PPP1R12A: variants seen among roughly 807,000 people sequenced by gnomAD.
PPP1R12A encodes protein phosphatase 1 regulatory subunit 12A, also known as myosin binding subunit.
Under a neutral mutation model 139.6 loss-of-function variants are expected in PPP1R12A, and 19 were observed. That is an observed-to-expected ratio of 0.14 (90% CI 0.09 to 0.20). The LOEUF (loss-of-function observed/expected upper bound fraction) is 0.20. Ranked by LOEUF, PPP1R12A falls within the 10% of genes least tolerant of loss-of-function variation. The probability of loss-of-function intolerance (pLI) is 1.00; values close to 1 mark genes in which losing one functional copy is unlikely to be tolerated. For missense variants in PPP1R12A, 925 were observed against 1,211.5 expected, an observed-to-expected ratio of 0.76 and a Z score of 3.51; for synonymous variants, 427 against 420.6, an observed-to-expected ratio of 1.02 and a Z score of -0.19.
intron 1 of PPP1R12A, among the ~76,000 whole-genome samples, chr12:79,909,109 C>G (rs1259684981): frequency 6.6e-6 from 1 of 152,132 alleles, no homozygotes; most frequent in Non-Finnish European, 1.5e-5. Flanking sequence ...TGTGAGAACA[C>G]TGTTCAGTCA....
In PPP1R12A at chr12:79,775,667, A is replaced by T. The variant is rs1259351342; in HGVS notation, c.*262T>A. 8.7e-6 allele frequency: 2 copies of T among 229,952 alleles called. No homozygotes were observed. Among genetic ancestry groups the T allele is most frequent in the African/African-American group, 2.3e-5 (1 of 43,408 alleles). The allele number at this position is 229,952 out of a possible 1,614,324, so 14.2% of individuals were successfully genotyped here. A position where few individuals can be genotyped will look rare whatever the true frequency, so the allele number is the denominator to read the frequency against. On this transcript the variant is annotated 3_prime_UTR_variant, in exon 25 of 25. Transcript: ENST00000450142. The stretch of plus-strand genomic sequence containing the variant: ...CTGTAAACAAGTTTTCTCAGTCATT[A>T]AAAAAAAATCTTCTCAGCAGCTGCA...
intron 1 of PPP1R12A, among the ~76,000 whole-genome samples, chr12:79,884,378 GTTC>G (rs941170841): frequency 2.6e-5 from 4 of 152,172 alleles, no homozygotes; most frequent in Non-Finnish European, 4.4e-5. Flanking sequence ...AAATCTGCTT[GTTC>G]TTTTGTTTAT....
At chr12:79,777,125 T>C in intron 24 of PPP1R12A, 1 of 899,938 alleles carries the variant, frequency 1.1e-6, no homozygotes, top group South Asian at 5.2e-5. Flanking sequence ...TTGAAAAACA[T>C]AATGCATGCT....
chr12:79,797,412 A>G lies in PPP1R12A; in HGVS notation c.2092-17T>C. On this transcript the variant is annotated splice_polypyrimidine_tract_variant and intron_variant, in intron 15 of 24. Coordinates refer to ENST00000450142, the MANE Select transcript of PPP1R12A (RefSeq NM_002480.3). ...TGTCACTCCCTGCACACACAAAAAGATCAATATAATTATGAGATGCATTAA... is the reference window on the plus strand; with the variant it reads ...TGTCACTCCCTGCACACACAAAAAGGTCAATATAATTATGAGATGCATTAA... The G allele has an allele frequency of 6.4e-7, 1 of 1,558,686 alleles. No individual in the cohort carries two copies. The highest frequency in any genetic ancestry group is 1.2e-5 in the South Asian group (1 of 81,054).
At chr12:79,902,873 A>G (rs1885770666) in intron 1 of PPP1R12A, among the ~76,000 whole-genome samples, 1 of 152,186 alleles carries the variant, frequency 6.6e-6, no homozygotes, top group Admixed American at 6.5e-5. Context: ...AAATGTAGGT[A>G]CACAACATAT....
intron 15 of PPP1R12A, among the ~76,000 whole-genome samples, chr12:79,797,894 G>A (rs1872669771): frequency 6.6e-6 from 1 of 152,144 alleles, no homozygotes; most frequent in African/African-American, 2.4e-5. Context: ...CTAAGTAATG[G>A]TAAGGATAGA....
chr12:79,830,411 T>C (rs903698844), intron 4 of PPP1R12A, among the ~76,000 whole-genome samples: 1 of 152,190 alleles, frequency 6.6e-6, no homozygotes, highest in Non-Finnish European at 1.5e-5. Flanking sequence ...TATACCATAA[T>C]TTATTAAAAC....
intron 2 of PPP1R12A, among the ~76,000 whole-genome samples, chr12:79,870,990 C>T (rs1675713955): frequency 2.0e-5 from 3 of 152,054 alleles, no homozygotes; most frequent in Admixed American, 6.6e-5. Flanking sequence ...TACTTGCAAT[C>T]CATTTTTTTT....
Position 79,788,690 on chromosome 12 carries a change from G to A in PPP1R12A, c.2760C>T (p.Tyr920=). Residue 920 remains tyrosine (Y), a synonymous_variant, in exon 21 of 25, where the codon TAC becomes TAT. Transcript: ENST00000450142. ...AGTCATCCTTTTCTAGCCTGCTGCT[G>A]TAAGGTTTTCTTTCTTCTAAGTAAC... The part of the protein sequence containing the change: ...SYSYLEERKP[Y]SSRLEKDDST... 7.4e-6 allele frequency: 12 copies of A among 1,613,224 alleles called. No homozygotes were observed. Among genetic ancestry groups the A allele is most frequent in the Non-Finnish European group, 1.0e-5 (12 of 1,179,488 alleles).
At chr12:79,899,402 G>A (rs1482391942) in intron 1 of PPP1R12A, among the ~76,000 whole-genome samples, 1 of 151,826 alleles carries the variant, frequency 6.6e-6, no homozygotes, top group Admixed American at 6.6e-5. Context: ...CTCCCATTCA[G>A]AGTCAACTAC....
intron 1 of PPP1R12A, among the ~76,000 whole-genome samples, chr12:79,921,177 G>T (rs1467506237): frequency 6.6e-6 from 1 of 152,022 alleles, no homozygotes; most frequent in Admixed American, 6.6e-5. Flanking sequence ...TTTTAGGTGT[G>T]TGCATGGTAG....
At position 79,782,554 on chromosome 12, in the gene PPP1R12A, C is replaced by T. The variant is rs369062238; in HGVS notation, c.2908-692G>A. 169 of 455,050 alleles carry T rather than the reference C, an allele frequency of 3.7e-4. 3 individuals carry two copies. The highest frequency in any genetic ancestry group is 3.0e-3 in the African/African-American group (152 of 50,024). 28.2% of individuals were successfully genotyped at this position (455,050 alleles called of 1,614,324 possible). The stretch of plus-strand genomic sequence containing the variant: ...TTGGCTTTAAGGGATGGAAAAGCAC[C>T]TTGGGTTTTAGCCTACCTGTTGTAT... On this transcript the variant is annotated intron_variant, in intron 22 of 24. Transcript: ENST00000450142.
At position 79,793,755 on chromosome 12, in the gene PPP1R12A, T is replaced by C. The variant is rs773152931; in HGVS notation, c.2649+108A>G. 49 of 771,014 alleles carry C rather than the reference T, an allele frequency of 6.4e-5. 1 individual carries two copies. The East Asian group carries it at 6.8e-4, about 11-fold the overall frequency. 47.8% of individuals were successfully genotyped at this position (771,014 alleles called of 1,614,324 possible). A position where few individuals can be genotyped will look rare whatever the true frequency, so the allele number is the denominator to read the frequency against. Reference sequence around the variant, plus strand: ...TGATATTGCATACCCAGCATGTAGGTAGAGTATGCAATAACTGCTTTGCAT... The same window carrying C: ...TGATATTGCATACCCAGCATGTAGGCAGAGTATGCAATAACTGCTTTGCAT... On this transcript the variant is annotated intron_variant, in intron 19 of 24. Coordinates refer to ENST00000450142, the MANE Select transcript of PPP1R12A (RefSeq NM_002480.3).
chr12:79,913,989 T>C (rs964374821), intron 1 of PPP1R12A: 5 of 152,156 alleles, frequency 3.3e-5, no homozygotes, highest in African/African-American at 1.2e-4. Context: ...GCTGTCTTAA[T>C]TAAGACATTT....
At chr12:79,843,031 G>A (rs545310704) in intron 3 of PPP1R12A, among the ~76,000 whole-genome samples, 63 of 152,010 alleles carry the variant, frequency 4.1e-4, no homozygotes, top group African/African-American at 1.4e-3. Flanking sequence ...CCTCATATAT[G>A]TAGAATCATT....
chr12:79,777,254 TA>T, intron 24 of PPP1R12A: 1 of 964,242 alleles, frequency 1.0e-6, no homozygotes, highest in Non-Finnish European at 1.2e-6. Context: ...TCTGTATAGC[TA>T]AAAAATGTGC....
intron 22 of PPP1R12A, among the ~76,000 whole-genome samples, chr12:79,785,742 CT>C (rs1231169023): frequency 2.0e-5 from 3 of 151,138 alleles, no homozygotes; most frequent in Non-Finnish European, 3.0e-5. Flanking sequence ...GATCACAAAG[CT>C]TTTTTTTTGT....
intron 1 of PPP1R12A, among the ~76,000 whole-genome samples, chr12:79,874,842 C>T (rs1227260273): frequency 6.6e-6 from 1 of 152,180 alleles, no homozygotes; most frequent in Non-Finnish European, 1.5e-5. Flanking sequence ...TAAAATCACT[C>T]TGTTCCAGCC....
intron 23 of PPP1R12A, chr12:79,780,675 C>T (rs1025710801): frequency 1.3e-5 from 2 of 152,060 alleles, no homozygotes; most frequent in African/African-American, 4.8e-5. Flanking sequence ...TAACAGAGAA[C>T]TGATTTTATT....
Sources: gnomAD v4.1 joint callset for allele counts (sites outside exome capture counted in the v4.1 genomes callset) on GRCh38, gnomAD v4.1.1 for gene constraint, MANE v1.5 for transcripts, NCBI Gene and HGNC (gene_info 2026-07-23, HGNC 2026-07-21) for gene names.